The following HIVEP1 variants were observed in gnomAD, a reference collection of about 807,000 sequenced individuals.
The protein encoded by HIVEP1 is zinc finger protein 40.
A neutral mutation model predicts 180.0 loss-of-function variants in HIVEP1; 36 were observed. That is an observed-to-expected ratio of 0.20 (90% CI 0.15 to 0.26). The LOEUF (loss-of-function observed/expected upper bound fraction) is 0.26, where lower values mean the gene tolerates loss of function less well. Among genes scored for constraint, HIVEP1 ranks in the 10% least tolerant of loss-of-function variants. The pLI is 1.00. For synonymous variants in HIVEP1, 1,239 were observed against 1,239.0 expected, an observed-to-expected ratio of 1.00 and a Z score of 0.00; for missense variants, 3,143 against 3,268.7, an observed-to-expected ratio of 0.96 and a Z score of 0.94.
intron 7 of HIVEP1, among the ~76,000 whole-genome samples, chr6:12,140,751 G>C (rs973996660): frequency 1.3e-5 from 2 of 152,202 alleles, no homozygotes; most frequent in African/African-American, 4.8e-5. Flanking sequence ...ATTTGATCAA[G>C]TGGAAGAAAG....
rs1304144063 is a variant in HIVEP1 at position 12,043,355 on chromosome 6, ATTTTTTT to A, written c.40+27704_40+27710del. Among the ~76,000 whole-genome samples, 48 of 109,908 alleles carry A rather than the reference ATTTTTTT, an allele frequency of 4.4e-4. 1 individual carries two copies. The highest frequency in any genetic ancestry group is 1.2e-3 in the East Asian group (4 of 3,458). The allele number at this position is 109,908 out of a possible 152,430, so 72.1% of individuals were successfully genotyped here. On this transcript the variant is annotated intron_variant, in intron 2 of 8. Transcript: ENST00000379388. ...TCCTATTCCCACTTTCTAAGTGAAA[ATTTTTTT>A]TTTTTTTTTTTTTTTTGGAGACAGA...
intron 7 of HIVEP1, among the ~76,000 whole-genome samples, chr6:12,146,096 T>G (rs892024275): frequency 1.3e-5 from 2 of 152,210 alleles, no homozygotes; most frequent in Non-Finnish European, 2.9e-5. Context: ...AATCTGTTCT[T>G]GGCAGCAGCT....
At chr6:12,192,034 T>TAAC in the HIVEP1 span, among the ~76,000 whole-genome samples, 1 of 152,246 alleles carries the variant, frequency 6.6e-6, no homozygotes, top group Non-Finnish European at 1.5e-5. Context: ...AGACAATTGC[T>TAAC]AACTATGCTT....
chr6:12,072,463 T>C (rs945470957), intron 2 of HIVEP1, among the ~76,000 whole-genome samples: 3 of 152,120 alleles, frequency 2.0e-5, no homozygotes, highest in Non-Finnish European at 1.5e-5. Context: ...GTGATAGGTC[T>C]ATGTGTAGTA....
downstream of HIVEP1, among the ~76,000 whole-genome samples, chr6:12,168,653 T>G (rs1760822815): frequency 6.6e-6 from 1 of 151,962 alleles, no homozygotes; most frequent in Admixed American, 6.6e-5. Context: ...TTTGATCTCT[T>G]ATGATGCTGG....
chr6:12,164,103 C>G lies in HIVEP1; in HGVS notation c.7799C>G (p.Pro2600Arg). Residue 2600 changes from proline (P) to arginine (R), a missense_variant, in exon 9 of 9, where the codon CCT (proline) becomes CGT (arginine). Pro to Arg is a moderately radical substitution (Grantham distance 103). Transcript: ENST00000379388. ...AACCAGGTCAGCAGGACCGAGTCTC[C>G]TCAGGGGTTACCTACAGTCCAGCGG... ...SANQVSRTESPQGLPTVQREN... is the reference protein window; with the variant it reads ...SANQVSRTESRQGLPTVQREN... 1 of 1,614,164 alleles carries G rather than the reference C, an allele frequency of 6.2e-7. No homozygotes were observed. The highest frequency in any genetic ancestry group is 8.5e-7 in the Non-Finnish European group (1 of 1,180,032).
chr6:12,208,949 T>C, the HIVEP1 span, among the ~76,000 whole-genome samples: 1 of 152,216 alleles, frequency 6.6e-6, no homozygotes, highest in Non-Finnish European at 1.5e-5. Flanking sequence ...TGCAGAGGGA[T>C]TAATCTCCTA....
chr6:12,120,836 T>A lies in HIVEP1; in HGVS notation c.1041T>A (p.Pro347=). The stretch of plus-strand genomic sequence containing the variant: ...CTTCCAGTAGATCTCAGGTTACTCC[T>A]CAAAACCAGCAAATGGATTCTGCTT... ...TSPSSRSQVT[P]QNQQMDSASP... Residue 347 remains proline, a synonymous_variant, in exon 4 of 9, where the codon CCT becomes CCA. Coordinates refer to ENST00000379388, the MANE Select transcript of HIVEP1 (RefSeq NM_002114.4). 6.2e-7 allele frequency: 1 copy of A among 1,614,182 alleles called. No individual in the cohort carries two copies. Among genetic ancestry groups the A allele is most frequent in the Non-Finnish European group, 8.5e-7 (1 of 1,180,026 alleles).
rs184476984 is a variant in HIVEP1, at chr6:12,028,877, T to G, written c.40+13209T>G. Among the ~76,000 whole-genome samples the G allele has an allele frequency of 1.9e-3, 284 of 152,358 alleles. 2 individuals are homozygous for G. Among genetic ancestry groups the G allele is most frequent in the African/African-American group, 6.4e-3 (265 of 41,586 alleles). ...TTGCAACCAATCCTTGCTCCCACTG[T>G]CAGCTGCAGGCAATTGCTGGTCTGT... On this transcript the variant is annotated intron_variant, in intron 2 of 8. Coordinates refer to ENST00000379388, the MANE Select transcript of HIVEP1 (RefSeq NM_002114.4).
At chr6:12,184,006 TAG>T in the HIVEP1 span, among the ~76,000 whole-genome samples, 7 of 143,236 alleles carry the variant, frequency 4.9e-5, no homozygotes, top group Non-Finnish European at 9.0e-5. Context: ...GATAGATAGA[TAG>T]ATAGATAGAT....
chr6:12,028,438 G>A (rs1294832653), intron 2 of HIVEP1, among the ~76,000 whole-genome samples: 1 of 152,246 alleles, frequency 6.6e-6, no homozygotes, highest in African/African-American at 2.4e-5. Flanking sequence ...GTAAGGAGAT[G>A]TATGACTGCA....
At chr6:12,153,854 G>T (rs1759854988) in intron 7 of HIVEP1, among the ~76,000 whole-genome samples, 2 of 152,122 alleles carry the variant, frequency 1.3e-5, no homozygotes, top group African/African-American at 2.4e-5. Flanking sequence ...TAGAGTAAAA[G>T]ACCCTAGAGC....
chr6:12,100,166 G>A (rs185532402), intron 3 of HIVEP1, among the ~76,000 whole-genome samples: 6 of 152,294 alleles, frequency 3.9e-5, no homozygotes, highest in African/African-American at 1.2e-4. Flanking sequence ...GTTAATCAAG[G>A]GGAGTTCACA....
At chr6:12,014,426 A>G (rs927457943) in intron 1 of HIVEP1, among the ~76,000 whole-genome samples, 5 of 152,108 alleles carry the variant, frequency 3.3e-5, no homozygotes, top group African/African-American at 9.7e-5. Flanking sequence ...CTTAGTTAAC[A>G]GATTAAATTA....
chr6:12,162,794 C>G lies in HIVEP1; in HGVS notation c.6979-489C>G, dbSNP rs569443867. ...AAGTGATAGACAAACAACCAGAGAA[C>G]TTTTTCATAGTAACATCTCTTCACA... On this transcript the variant is annotated intron_variant, in intron 8 of 8. Transcript: ENST00000379388. 2.4e-4 allele frequency among the ~76,000 whole-genome samples: 36 copies of G among 152,310 alleles called. No homozygotes were observed. In the South Asian group the frequency reaches 4.1e-3, roughly 18 times the overall value.
At chr6:12,082,014 C>G (rs1037559710) in intron 2 of HIVEP1, among the ~76,000 whole-genome samples, 2 of 152,154 alleles carry the variant, frequency 1.3e-5, no homozygotes, top group Admixed American at 1.3e-4. Context: ...ATGCTGTTCT[C>G]TTGACTTCTG....
intron 3 of HIVEP1, among the ~76,000 whole-genome samples, chr6:12,095,397 TG>T (rs1163801137): frequency 1.3e-5 from 2 of 151,994 alleles, no homozygotes; most frequent in Non-Finnish European, 1.5e-5. Flanking sequence ...TTGTAAGTAT[TG>T]CTTAGATGTA....
intron 2 of HIVEP1, among the ~76,000 whole-genome samples, chr6:12,046,876 T>TGTGTGTGTG (rs1561885761): frequency 2.7e-5 from 4 of 150,914 alleles, no homozygotes; most frequent in Non-Finnish European, 3.0e-5. Flanking sequence ...TGTGTGTGTG[T>TGTGTGTGTG]TTGAGATGGA....
At chr6:12,178,327 A>G in the HIVEP1 span, among the ~76,000 whole-genome samples, 1 of 152,236 alleles carries the variant, frequency 6.6e-6, no homozygotes, top group East Asian at 1.9e-4. Context: ...GGTGGTGCCC[A>G]CCTATAATTC....
Sources: allele counts gnomAD v4.1 joint callset (sites outside exome capture counted in the v4.1 genomes callset), GRCh38; gene constraint gnomAD v4.1.1; transcripts MANE v1.5; gene names NCBI Gene and HGNC (gene_info 2026-07-23, HGNC 2026-07-21).